ITGB4: variants seen among roughly 807,000 people sequenced by gnomAD.
ITGB4 encodes integrin beta-4.
Under a neutral mutation model 207.6 loss-of-function variants are expected in ITGB4, and 159 were observed. That is an observed-to-expected ratio of 0.77 (90% CI 0.67 to 0.87). ITGB4 has a LOEUF of 0.87. Among genes scored for constraint, ITGB4 ranks in the 40% least tolerant of loss-of-function variants. The pLI is 0.00. For missense variants in ITGB4, 2,278 were observed against 2,546.8 expected (o/e 0.89, Z 2.27); for synonymous variants, 1,020 against 1,062.7 (o/e 0.96, Z 0.78).
In ITGB4 at chr17:75,750,113, G is replaced by A. The variant is rs1336118560; in HGVS notation, c.3319G>A (p.Glu1107Lys). Residue 1107 changes from glutamate (E) to lysine (K), a missense_variant and splice_region_variant, in exon 28 of 40, where the codon GAA becomes AAA. Transcript: ENST00000200181. This position sits in a 1 kb window ranked among gnomAD's most constrained non-coding sequence, Gnocchi z 5.5. ...STTIIIRDPD[E>K]LDRSFTSQML... Reference sequence around the variant, plus strand: ...CCGGCCCCAACCTGACCCGTTAGATGAACTGGACCGGAGCTTCACGAGTCA... The same window carrying A: ...CCGGCCCCAACCTGACCCGTTAGATAAACTGGACCGGAGCTTCACGAGTCA... 2 of 1,613,496 alleles carry A rather than the reference G, an allele frequency of 1.2e-6. No individual in the cohort carries two copies. Among genetic ancestry groups the A allele is most frequent in the Non-Finnish European group, 1.7e-6 (2 of 1,180,014 alleles).
intron 15 of ITGB4, 85 bp downstream of exon 15, chr17:75,736,471 C>G: frequency 4.4e-6 from 7 of 1,608,236 alleles, no homozygotes; most frequent in Non-Finnish European, 5.9e-6. Context: ...CCTGATGCCA[C>G]AGGAGCTGGC....
intron 26 of ITGB4, among the ~76,000 whole-genome samples, 177 bp from the exon 27 acceptor site, chr17:75,748,664 C>T (rs1415590971): frequency 4.0e-5 from 6 of 150,848 alleles, no homozygotes; most frequent in Middle Eastern, 3.2e-3. Context: ...AGTGAGATTA[C>T]GCCTCAAAAA....
At chr17:75,756,646 G>T in intron 36 of ITGB4, 29 bp downstream of exon 36, 1 of 1,612,608 alleles carries the variant, frequency 6.2e-7, no homozygotes. Context: ...CCCCAGAGCT[G>T]CCCCCATCAT....
chr17:75,752,415 C>T (rs1357493101), intron 31 of ITGB4, 31 bp from the exon 32 acceptor site: 1 of 1,612,900 alleles, frequency 6.2e-7, no homozygotes, highest in Non-Finnish European at 8.5e-7. Flanking sequence ...GGGCAGCAGC[C>T]AGGGCCCTGG....
At chr17:75,752,146 A>C (rs202197398) in intron 30 of ITGB4, 28 bp from the exon 31 acceptor site, 1 of 1,612,430 alleles carries the variant, frequency 6.2e-7, no homozygotes, top group African/African-American at 1.3e-5. Flanking sequence ...GACCTGGGTG[A>C]CCCTCTGAAG....
At chr17:75,748,759 T>G in intron 26 of ITGB4, 82 bp from the exon 27 acceptor site, 4 of 1,018,352 alleles carry the variant, frequency 3.9e-6, no homozygotes, top group Non-Finnish European at 6.0e-6. Flanking sequence ...GCAGTGTCCA[T>G]GAGGTTGGGA....
rs368731638 is a variant in ITGB4, at chr17:75,751,155, A to G, written c.3793+44A>G. Reference sequence around the variant, plus strand: ...TTTCCTGCCCACAGGGAGAACAGCCATGGAAGGGGAGGGGACAAAGCTGGA... The same window carrying G: ...TTTCCTGCCCACAGGGAGAACAGCCGTGGAAGGGGAGGGGACAAAGCTGGA... On this transcript the variant is annotated intron_variant, in intron 30 of 39. Transcript: ENST00000200181. 1.8e-3 allele frequency: 2,902 copies of G among 1,608,022 alleles called. 3 individuals carry two copies. The highest frequency in any genetic ancestry group is 2.3e-3 in the Non-Finnish European group (2,709 of 1,179,140).
At position 75,750,944 on chromosome 17, in the gene ITGB4, A is replaced by G. The variant is rs1406439332; in HGVS notation, c.3656-30A>G. ...AGACCTCCCTCCCTCTGCCACTGACAGCACTCTTCCTGTATTCCCCGCTCC... is the reference window on the plus strand; with the variant it reads ...AGACCTCCCTCCCTCTGCCACTGACGGCACTCTTCCTGTATTCCCCGCTCC... On this transcript the variant is annotated intron_variant, in intron 29 of 39. Transcript: ENST00000200181. This position sits in a 1 kb window ranked among gnomAD's most constrained non-coding sequence, Gnocchi z 5.5. 2 of 1,613,338 alleles carry G rather than the reference A, an allele frequency of 1.2e-6. No homozygotes were observed. The highest frequency in any genetic ancestry group is 2.7e-5 in the African/African-American group (2 of 74,902).
At chr17:75,728,568 G>A in intron 6 of ITGB4, 95 bp downstream of exon 6, 1 of 1,017,416 alleles carries the variant, frequency 9.8e-7, no homozygotes, top group Non-Finnish European at 1.5e-6. Context: ...TCCTTCTACG[G>A]CTGGGCACGG....
Position 75,733,600 on chromosome 17 carries a change from AC to A in ITGB4, c.1566del (p.Cys523ValfsTer246). 6.2e-7 allele frequency: 1 copy of A among 1,614,140 alleles called. No homozygotes were observed. Among genetic ancestry groups the A allele is most frequent in the Non-Finnish European group, 8.5e-7 (1 of 1,180,030 alleles). On this transcript the variant is annotated frameshift_variant, in exon 13 of 40. Transcript: ENST00000200181. LOFTEE classifies it high-confidence loss of function. ...GGCCGTGGGGAGTGCCAGTGCGGGC[AC>A]TGTGTGTGCTACGGCGAAGGCCGCT... is the stretch of plus-strand genomic sequence containing the variant. ...CSGRGECQCG[H>X]CVCYGEGRYE... is the part of the protein sequence containing the mutation.
rs820177 is a variant in ITGB4, at chr17:75,736,729, A to C, written c.1990+35A>C. The C allele has an allele frequency of 0.76, 1,203,733 of 1,576,076 alleles. 463,264 individuals carry two copies. The highest frequency in any genetic ancestry group is 0.79 in the Non-Finnish European group (917,818 of 1,161,578). On this transcript the variant is annotated intron_variant, in intron 16 of 39. Coordinates refer to ENST00000200181, the MANE Select transcript of ITGB4 (RefSeq NM_000213.5). Reference sequence around the variant, plus strand: ...GGGGCTGAGGGTTGGGGTTGCTGAGAGCCTAGGCAGCGGGCATCCAACGGG... The same window carrying C: ...GGGGCTGAGGGTTGGGGTTGCTGAGCGCCTAGGCAGCGGGCATCCAACGGG...
Position 75,752,290 on chromosome 17 carries a change from G to A in ITGB4, c.3910G>A (p.Ala1304Thr), listed in dbSNP as rs146489216. 5 of 1,613,340 alleles carry A rather than the reference G, an allele frequency of 3.1e-6. No individual in the cohort carries two copies. The East Asian group carries it at 8.9e-5, about 29-fold the overall frequency. The part of the protein sequence containing the change: ...YRYTVKARNG[A>T]GWGPEREAII... Reference sequence around the variant, plus strand: ...CTACACGGTGAAGGCGCGCAACGGGGCCGGCTGGGGGCCTGAGCGGGAGGC... The same window carrying A: ...CTACACGGTGAAGGCGCGCAACGGGACCGGCTGGGGGCCTGAGCGGGAGGC... Residue 1304 changes from alanine (A) to threonine (T), a missense_variant, in exon 31 of 40, where the codon GCC (alanine) becomes ACC (threonine). Physicochemically the swap from Ala to Thr is moderately conservative, Grantham distance 58. Transcript: ENST00000200181.
chr17:75,730,096 C>A, intron 7 of ITGB4, 145 bp from the exon 8 acceptor site: 2 of 1,036,406 alleles, frequency 1.9e-6, no homozygotes, highest in South Asian at 1.4e-5. Context: ...CCGTCAGATG[C>A]ATCTTTCATG....
intron 23 of ITGB4, among the ~76,000 whole-genome samples, chr17:75,741,372 G>A (rs988878374): frequency 7.9e-5 from 12 of 152,258 alleles, no homozygotes; most frequent in South Asian, 2.1e-4. Flanking sequence ...GCAGGTTACC[G>A]AGAGGATGGG....
At chr17:75,735,949 G>T in intron 13 of ITGB4, 102 bp from the exon 14 acceptor site, 1 of 1,066,274 alleles carries the variant, frequency 9.4e-7, no homozygotes, top group Non-Finnish European at 1.4e-6. Context: ...CGGCACCCTG[G>T]CTCCCACAGC....
intron 2 of ITGB4, among the ~76,000 whole-genome samples, 194 bp downstream of exon 2, chr17:75,724,976 G>A (rs970633346): frequency 4.6e-5 from 7 of 152,214 alleles, no homozygotes; most frequent in African/African-American, 7.2e-5. Context: ...CCCTGACCAC[G>A]GGGCCTGAGA....
At position 75,727,175 on chromosome 17, in the gene ITGB4, G is replaced by A. The variant is rs781325992; in HGVS notation, c.80-20G>A. ...TTGCTGAGCGCCTCCCCATTCATGT[G>A]CCCACATCTGTCCCCCCAGCAAACC... On this transcript the variant is annotated intron_variant, in intron 2 of 39. Transcript: ENST00000200181. This position sits in a 1 kb window ranked among gnomAD's most constrained non-coding sequence, Gnocchi z 6.0. 1.2e-6 allele frequency: 2 copies of A among 1,612,094 alleles called. No individual in the cohort carries two copies. The highest frequency in any genetic ancestry group is 1.1e-5 in the South Asian group (1 of 90,762).
In ITGB4 at chr17:75,750,970, C is replaced by T. The variant is rs771493316; in HGVS notation, c.3656-4C>T. 6.2e-7 allele frequency: 1 copy of T among 1,613,752 alleles called. No individual in the cohort carries two copies. Among genetic ancestry groups the T allele is most frequent in the Non-Finnish European group, 8.5e-7 (1 of 1,180,034 alleles). Reference sequence around the variant, plus strand: ...GCACTCTTCCTGTATTCCCCGCTCCCTAGTGCCCAGCGAGCCAGGGCGTCT... The same window carrying T: ...GCACTCTTCCTGTATTCCCCGCTCCTTAGTGCCCAGCGAGCCAGGGCGTCT... On this transcript the variant is annotated splice_region_variant and splice_polypyrimidine_tract_variant and intron_variant, in intron 29 of 39. Transcript: ENST00000200181. This position sits in a 1 kb window ranked among gnomAD's most constrained non-coding sequence, Gnocchi z 5.5.
chr17:75,750,265 C>G lies in ITGB4; in HGVS notation c.3471C>G (p.Tyr1157Ter). Residue 1157 changes from tyrosine (Y) to a stop codon, truncating the protein, a stop_gained, in exon 28 of 40, where the codon TAC becomes TAG. Coordinates refer to ENST00000200181, the MANE Select transcript of ITGB4 (RefSeq NM_000213.5). LOFTEE classifies it high-confidence loss of function. This position sits in a 1 kb window ranked among gnomAD's most constrained non-coding sequence, Gnocchi z 5.5. Reference sequence around the variant, plus strand: ...CCCCTTCTGGCAAGCCAATGGGGTACAGGGTAAGGCGGGGGGCTGAGGGTC... The same window carrying G: ...CCCCTTCTGGCAAGCCAATGGGGTAGAGGGTAAGGCGGGGGGCTGAGGGTC... ...WLPPSGKPMG[Y>*]RVKYWIQGDS... 1 of 1,609,496 alleles carries G rather than the reference C, an allele frequency of 6.2e-7. No homozygotes were observed.
Sources: gnomAD v4.1 joint callset for allele counts (sites outside exome capture counted in the v4.1 genomes callset) on GRCh38, gnomAD v4.1.1 for gene constraint, Gnocchi (gnomAD v3.1) non-coding constraint, MANE v1.5 for transcripts, NCBI Gene and HGNC (gene_info 2026-07-23, HGNC 2026-07-21) for gene names.